The following ARHGEF7 variants were observed in gnomAD, a reference collection of about 807,000 sequenced individuals.
ARHGEF7 encodes the protein Rho guanine nucleotide exchange factor 7.
In ARHGEF7, 33 loss-of-function variants were observed where a neutral mutation model predicts 109.8. That is an observed-to-expected ratio of 0.30 (90% CI 0.23 to 0.40). The LOEUF (loss-of-function observed/expected upper bound fraction) is 0.40. Ranked by LOEUF, ARHGEF7 falls within the 10% of genes least tolerant of loss-of-function variation. The pLI is 1.00. For missense variants in ARHGEF7, 938 were observed against 1,098.5 expected (o/e 0.85, Z 2.07); for synonymous variants, 458 against 424.6 (o/e 1.08, Z -0.97).
intron 19 of ARHGEF7, among the ~76,000 whole-genome samples, chr13:111,299,877 C>T (rs1055290634): frequency 2.6e-5 from 4 of 152,118 alleles, no homozygotes; most frequent in African/African-American, 4.8e-5. Flanking sequence ...CTCATGGTAC[C>T]GCTTGCAGGT....
At chr13:111,267,191 A>G (rs2091723650) in intron 8 of ARHGEF7, among the ~76,000 whole-genome samples, 1 of 152,172 alleles carries the variant, frequency 6.6e-6, no homozygotes, top group South Asian at 2.1e-4. Flanking sequence ...CTTTGGTAGA[A>G]AACCTCACAG....
intron 2 of ARHGEF7, among the ~76,000 whole-genome samples, chr13:111,199,442 C>T (rs1013907011): frequency 3.3e-5 from 5 of 152,182 alleles, no homozygotes; most frequent in African/African-American, 1.2e-4. Context: ...GTCCTCTGGT[C>T]AGAGGTTTTC....
intron 5 of ARHGEF7, among the ~76,000 whole-genome samples, chr13:111,229,125 T>C (rs752683500): frequency 1.9e-4 from 29 of 152,094 alleles, no homozygotes; most frequent in Non-Finnish European, 3.7e-4. Context: ...CGTTCCTGTG[T>C]GTCTTGGTGG....
At chr13:111,140,731 T>C (rs1159694666) in intron 1 of ARHGEF7, among the ~76,000 whole-genome samples, 1 of 152,178 alleles carries the variant, frequency 6.6e-6, no homozygotes, top group Non-Finnish European at 1.5e-5. Context: ...TCTTTTTCTA[T>C]TGCCCAGGAG....
At chr13:111,150,454 C>T (rs1290942079) in intron 1 of ARHGEF7, among the ~76,000 whole-genome samples, 1 of 152,208 alleles carries the variant, frequency 6.6e-6, no homozygotes, top group Non-Finnish European at 1.5e-5. Flanking sequence ...CATCTTCTTC[C>T]TTCATGTCAT....
At chr13:111,222,923 A>G (rs2084661537) in intron 5 of ARHGEF7, among the ~76,000 whole-genome samples, 1 of 152,284 alleles carries the variant, frequency 6.6e-6, no homozygotes, top group Admixed American at 6.5e-5. Flanking sequence ...AGGTGAGAAC[A>G]ATACAGTAAG....
At chr13:111,202,841 C>T (rs867289233) in intron 2 of ARHGEF7, among the ~76,000 whole-genome samples, 3 of 152,190 alleles carry the variant, frequency 2.0e-5, no homozygotes, top group South Asian at 4.1e-4. Context: ...GCACTTCAAT[C>T]GAAACATTTT....
chr13:111,294,862 G>A, intron 19 of ARHGEF7: 1 of 985,786 alleles, frequency 1.0e-6, no homozygotes, highest in Non-Finnish European at 1.2e-6. Flanking sequence ...TGGCCTAAAT[G>A]GTGTTCCCTT....
intron 5 of ARHGEF7, among the ~76,000 whole-genome samples, chr13:111,221,290 G>T (rs1488151812): frequency 8.1e-5 from 4 of 49,264 alleles, no homozygotes; most frequent in Non-Finnish European, 1.1e-4. Context: ...TATCTATATA[G>T]ATATATATGT....
At chr13:111,132,089 G>A (rs1291386195) in intron 1 of ARHGEF7, among the ~76,000 whole-genome samples, 1 of 152,192 alleles carries the variant, frequency 6.6e-6, no homozygotes, top group African/African-American at 2.4e-5. Context: ...TTAAGAGGAA[G>A]TGATCTTCAG....
intron 3 of ARHGEF7, 60 bp downstream of exon 3, chr13:111,205,433 G>T: frequency 1.6e-6 from 2 of 1,234,508 alleles, no homozygotes; most frequent in South Asian, 3.1e-5. Context: ...GACACCTTTG[G>T]TTTTCTTGTT....
chr13:111,122,117 C>G (rs956249121), intron 1 of ARHGEF7, among the ~76,000 whole-genome samples: 1 of 152,224 alleles, frequency 6.6e-6, no homozygotes, highest in Non-Finnish European at 1.5e-5. Flanking sequence ...CCACTCTGGA[C>G]AGACCACCAT....
chr13:111,267,534 T>C lies in ARHGEF7; in HGVS notation c.951-14T>C. 1 of 1,613,612 alleles carries C rather than the reference T, an allele frequency of 6.2e-7. No homozygotes were observed. The highest frequency in any genetic ancestry group is 1.3e-5 in the African/African-American group (1 of 75,050). On this transcript the variant is annotated splice_polypyrimidine_tract_variant and intron_variant, in intron 8 of 21. Coordinates refer to ENST00000646102, the MANE Select transcript of ARHGEF7 (RefSeq NM_001354046.2). ...AAACTGATGACTATTTCCCTTTGTG[T>C]CGCATTTCTCCAGGTTGCCCGAAGC...
intron 1 of ARHGEF7, among the ~76,000 whole-genome samples, chr13:111,147,317 G>A (rs548906755): frequency 1.3e-5 from 2 of 152,302 alleles, no homozygotes; most frequent in African/African-American, 4.8e-5. Context: ...TCGTGTCTGG[G>A]AATTCCAGTT....
At chr13:111,288,579 CAG>C in intron 18 of ARHGEF7, 136 bp downstream of exon 18, 1 of 512,556 alleles carries the variant, frequency 2.0e-6, no homozygotes, top group Non-Finnish European at 3.3e-6. Context: ...ATGTTTCAGT[CAG>C]GGGTGGCAGG....
At chr13:111,204,861 G>A (rs1022673794) in intron 2 of ARHGEF7, among the ~76,000 whole-genome samples, 1 of 152,162 alleles carries the variant, frequency 6.6e-6, no homozygotes, top group African/African-American at 2.4e-5. Flanking sequence ...CTTTGGAATC[G>A]ACTGTCATTT....
chr13:111,175,282 T>C (rs2078027697), intron 2 of ARHGEF7, among the ~76,000 whole-genome samples: 1 of 152,164 alleles, frequency 6.6e-6, no homozygotes, highest in African/African-American at 2.4e-5. Flanking sequence ...GTTCAGAATG[T>C]ACAGAGGACA....
At chr13:111,154,679 CT>C (rs1446538295) in intron 2 of ARHGEF7, among the ~76,000 whole-genome samples, 1 of 152,178 alleles carries the variant, frequency 6.6e-6, no homozygotes, top group Non-Finnish European at 1.5e-5. Flanking sequence ...TCTTTTCAGT[CT>C]TTCAGTGGCA....
rs766079081 is a variant in ARHGEF7, at chr13:111,115,705, C to A, written c.165+14C>A. 8 of 1,161,300 alleles carry A rather than the reference C, an allele frequency of 6.9e-6. No individual in the cohort carries two copies. The East Asian group carries it at 2.9e-4, about 42-fold the overall frequency. 71.9% of individuals were successfully genotyped at this position (1,161,300 alleles called of 1,614,324 possible). A position where few individuals can be genotyped will look rare whatever the true frequency, so the allele number is the denominator to read the frequency against. On this transcript the variant is annotated intron_variant, in intron 1 of 21. Transcript: ENST00000646102. ...ACCATCGAGAAAGTAAGTCCCGGCC[C>A]GCGCCCCCGCCCGCGCCCCCCGGTC... is the stretch of plus-strand genomic sequence containing the variant.
Sources: gnomAD v4.1 joint callset for allele counts (sites outside exome capture counted in the v4.1 genomes callset) on GRCh38, gnomAD v4.1.1 for gene constraint, MANE v1.5 for transcripts, NCBI Gene and HGNC (gene_info 2026-07-23, HGNC 2026-07-21) for gene names.